Variants in SLC25A29 observed in about 807,000 individuals in gnomAD.
SLC25A29 encodes mitochondrial basic amino acids transporter.
In SLC25A29, 13 loss-of-function variants were observed where a neutral mutation model predicts 10.0. The ratio of observed to expected loss-of-function variants is 1.30; its 90% CI spans 0.85 to 2.07. The LOEUF (loss-of-function observed/expected upper bound fraction) is 2.07, where lower values mean the gene tolerates loss of function less well. Ranked by LOEUF, SLC25A29 falls within the 30% of genes most tolerant of loss-of-function variation. SLC25A29 has a pLI of 0.00. For synonymous variants in SLC25A29, 244 were observed against 221.1 expected (o/e 1.10, Z -0.92); for missense variants, 475 against 447.6 (o/e 1.06, Z -0.55).
downstream of SLC25A29, among the ~76,000 whole-genome samples, chr14:100,287,683 T>C (rs1048180898): frequency 1.6e-5 from 2 of 122,510 alleles, no homozygotes; most frequent in Middle Eastern, 6.3e-3. Context: ...GACTCCCTCA[T>C]GGCCTCTGCC....
In SLC25A29 at chr14:100,292,418, GA is replaced by G; in HGVS notation, c.776del (p.Phe259SerfsTer88). 2 of 1,577,772 alleles carry G rather than the reference GA, an allele frequency of 1.3e-6. No individual in the cohort carries two copies. The highest frequency in any genetic ancestry group is 8.6e-7 in the Non-Finnish European group (1 of 1,164,578). On this transcript the variant is annotated frameshift_variant, in exon 4 of 4. Coordinates refer to ENST00000359232, the MANE Select transcript of SLC25A29 (RefSeq NM_001039355.3). LOFTEE classifies it low-confidence loss of function (END_TRUNC). Reference sequence around the variant, plus strand: ...TGGCGAAGGTGGCAGCGTTGACGGGGAAGGCGCGCAGCAGCGTGGACGCCAG... The same window carrying G: ...TGGCGAAGGTGGCAGCGTTGACGGGGAGGCGCGCAGCAGCGTGGACGCCAG... ...RGLASTLLRA[F>X]PVNAATFATV... is the part of the protein sequence containing the mutation.
At chr14:100,301,867 C>T (rs1415825844) in intron 1 of SLC25A29, among the ~76,000 whole-genome samples, 2 of 151,996 alleles carry the variant, frequency 1.3e-5, no homozygotes, top group Non-Finnish European at 2.9e-5. Flanking sequence ...ACCGCCTCCC[C>T]CACGACTCTC....
At position 100,292,510 on chromosome 14, in the gene SLC25A29, G is replaced by A. The variant is rs1192926682; in HGVS notation, c.685C>T (p.Arg229Cys). Residue 229 changes from arginine to cysteine, a missense_variant, in exon 4 of 4, where the codon CGC (arginine) becomes TGC (cysteine). Coordinates refer to ENST00000359232, the MANE Select transcript of SLC25A29 (RefSeq NM_001039355.3). ...ADGLRGAPRY[R>C]GILDCVHQSY... ...TGGTGCACGCAGTCCAGGATGCCGC[G>A]GTAGCGCGGGGCGCCCCGCAGTCCG... 6 of 1,588,678 alleles carry A rather than the reference G, an allele frequency of 3.8e-6. No homozygotes were observed. Among genetic ancestry groups the A allele is most frequent in the African/African-American group, 2.7e-5 (2 of 74,436 alleles).
In SLC25A29 at chr14:100,298,949, A is replaced by C. The variant is rs562150091; in HGVS notation, c.35-64T>G. On this transcript the variant is annotated intron_variant, in intron 1 of 3. Transcript: ENST00000359232. The stretch of plus-strand genomic sequence containing the variant: ...AGAAACACAGTGCAGGGTGCTGGGC[A>C]GGAGGGGGTTCTGACAAGGAAGACT... 204 of 1,592,398 alleles carry C rather than the reference A, an allele frequency of 1.3e-4. 1 individual carries two copies. In the African/African-American group the frequency reaches 2.3e-3, roughly 18 times the overall value.
At position 100,292,949 on chromosome 14, in the gene SLC25A29, G is replaced by A. The variant is rs1295753481; in HGVS notation, c.246C>T (p.Asn82=). 1 of 1,606,290 alleles carries A rather than the reference G, an allele frequency of 6.2e-7. No homozygotes were observed. The highest frequency in any genetic ancestry group is 1.3e-5 in the African/African-American group (1 of 74,930). ...AGTCGTGGCCCAGGGCCCGGAGGGT[G>A]TTGCCCTGCACCCCGAACACCAGCG... ...INALVFGVQG[N]TLRALGHDSP... The change falls in exon 4 of 4, where the codon AAC becomes AAT. Residue 82 remains asparagine (N), a synonymous_variant. Transcript: ENST00000359232.
intron 1 of SLC25A29, among the ~76,000 whole-genome samples, chr14:100,301,611 G>A (rs1187632683): frequency 6.6e-6 from 1 of 152,078 alleles, no homozygotes; most frequent in African/African-American, 2.4e-5. Flanking sequence ...CCAGGTTCAC[G>A]CCATTCTCCT....
intron 2 of SLC25A29, chr14:100,295,977 C>A (rs1892120435): frequency 1.6e-6 from 2 of 1,289,734 alleles, no homozygotes; most frequent in Non-Finnish European, 2.0e-6. Context: ...ATCTTGGATT[C>A]TTTCAGTCCC....
intron 2 of SLC25A29, chr14:100,295,935 C>A: frequency 4.7e-6 from 6 of 1,289,710 alleles, no homozygotes; most frequent in Non-Finnish European, 6.1e-6. Context: ...AGGACGGTGG[C>A]TGTGGTTCTG....
chr14:100,302,846 A>G (rs1236412990), intron 1 of SLC25A29, among the ~76,000 whole-genome samples: 1 of 149,770 alleles, frequency 6.7e-6, no homozygotes, highest in Non-Finnish European at 1.5e-5. Context: ...TTATCTGTGG[A>G]TTTCAAGAAT....
Position 100,292,170 on chromosome 14 carries a change from A to G in SLC25A29, c.*113T>C. 1 of 1,403,944 alleles carries G rather than the reference A, an allele frequency of 7.1e-7. No homozygotes were observed. 87.0% of individuals were successfully genotyped at this position (1,403,944 alleles called of 1,614,324 possible). ...ATCAGCAAAATTCAGCCCACGTCTG[A>G]TAGACTCCACAGCTCGCAGCATCCC... On this transcript the variant is annotated 3_prime_UTR_variant, in exon 4 of 4. Transcript: ENST00000359232.
At chr14:100,281,020 A>ACTGCACT in the SLC25A29 span, 3 of 128,840 alleles carry the variant, frequency 2.3e-5, no homozygotes, top group African/African-American at 8.8e-5. Flanking sequence ...AGATCGCACC[A>ACTGCACT]CTGCACTCCA....
Position 100,293,029 on chromosome 14 carries a change from G to T in SLC25A29, c.166C>A (p.Leu56Met), listed in dbSNP as rs1466359364. 1.3e-6 allele frequency: 2 copies of T among 1,539,144 alleles called. No homozygotes were observed. ...GAGCCCAGGCCCTTGTACAGGCCCA[G>T]CACCTGCGGGGACAGAGACGCCATC... ...FKSIIKQESVLGLYKGLGSPL... is the reference protein window; with the variant it reads ...FKSIIKQESVMGLYKGLGSPL... The change falls in exon 4 of 4, where the codon CTG (leucine) becomes ATG (methionine). Residue 56 changes from leucine (L) to methionine (M), a missense_variant. Leu to Met is a conservative substitution (Grantham distance 15). Coordinates refer to ENST00000359232, the MANE Select transcript of SLC25A29 (RefSeq NM_001039355.3).
At chr14:100,279,155 T>C in the SLC25A29 span, 1 of 152,206 alleles carries the variant, frequency 6.6e-6, no homozygotes, top group Non-Finnish European at 1.5e-5. Flanking sequence ...TTAGGTCAAA[T>C]AACAGACTTG....
chr14:100,303,346 G>A (rs1367669953), intron 1 of SLC25A29, among the ~76,000 whole-genome samples: 1 of 152,192 alleles, frequency 6.6e-6, no homozygotes, highest in Non-Finnish European at 1.5e-5. Flanking sequence ...TCCAGCTGTG[G>A]GGTCCCCTTC....
At chr14:100,294,899 C>T (rs1892033062) in intron 2 of SLC25A29, 1 of 152,188 alleles carries the variant, frequency 6.6e-6, no homozygotes, top group South Asian at 2.1e-4. Context: ...CCCTGGAGGC[C>T]CAGTTCTTGG....
the SLC25A29 span, chr14:100,281,038 T>C: frequency 3.5e-5 from 4 of 114,132 alleles, no homozygotes; most frequent in South Asian, 6.2e-4. Context: ...CCAGCCTGGG[T>C]GACAGAGCAA....
the SLC25A29 span, chr14:100,282,096 T>C: frequency 6.6e-6 from 1 of 152,130 alleles, no homozygotes; most frequent in Non-Finnish European, 1.5e-5. Flanking sequence ...ACAAACTGGG[T>C]GCCGTAAGGT....
intron 1 of SLC25A29, among the ~76,000 whole-genome samples, chr14:100,301,801 C>G (rs888991313): frequency 6.6e-6 from 1 of 151,904 alleles, no homozygotes; most frequent in Non-Finnish European, 1.5e-5. Flanking sequence ...TGAGCCACCA[C>G]GCCCGGCACT....
chr14:100,293,440 T>A (rs1891923362), intron 2 of SLC25A29, 63 bp from the exon 3 acceptor site: 2 of 1,505,762 alleles, frequency 1.3e-6, no homozygotes, highest in Admixed American at 3.5e-5. Context: ...CTCCCGGGTC[T>A]GGTGCTTAGG....
Sources: allele counts gnomAD v4.1 joint callset (sites outside exome capture counted in the v4.1 genomes callset), GRCh38; gene constraint gnomAD v4.1.1; transcripts MANE v1.5; gene names NCBI Gene and HGNC (gene_info 2026-07-23, HGNC 2026-07-21).